CTNNA3: variants seen among roughly 807,000 people sequenced by gnomAD.
The protein encoded by CTNNA3 is catenin alpha-3.
In CTNNA3, 76 loss-of-function variants were observed where a neutral mutation model predicts 95.7. The observed-to-expected ratio is 0.79, with a 90% CI of 0.66 to 0.96. The LOEUF is 0.96. Ranked by LOEUF, CTNNA3 falls within the 40% of genes least tolerant of loss-of-function variation. The probability of loss-of-function intolerance (pLI) is 0.00; values close to 1 mark genes in which losing one functional copy is unlikely to be tolerated. For synonymous variants in CTNNA3, 431 were observed against 374.4 expected (o/e 1.15, Z -1.74); for missense variants, 1,191 against 1,089.8 (o/e 1.09, Z -1.31).
intron 7 of CTNNA3, among the ~76,000 whole-genome samples, chr10:66,861,256 T>G (rs558017711): frequency 1.6e-4 from 25 of 152,320 alleles, no homozygotes; most frequent in Admixed American, 1.6e-3. Context: ...TGGTCAACAT[T>G]GTTTTGTTAC....
chr10:66,864,933 A>G (rs937797061), intron 7 of CTNNA3, among the ~76,000 whole-genome samples: 16 of 152,146 alleles, frequency 1.1e-4, no homozygotes, highest in African/African-American at 3.9e-4. Flanking sequence ...AATTGTATAC[A>G]TTTAGATATT....
At chr10:67,642,612 G>A (rs957370598) in intron 2 of CTNNA3, among the ~76,000 whole-genome samples, 2 of 151,982 alleles carry the variant, frequency 1.3e-5, no homozygotes, top group East Asian at 3.9e-4. Flanking sequence ...CAGCTACCAG[G>A]AAGCTGATGC....
At chr10:67,031,722 C>T (rs967367620) in intron 7 of CTNNA3, among the ~76,000 whole-genome samples, 1 of 152,012 alleles carries the variant, frequency 6.6e-6, no homozygotes, top group African/African-American at 2.4e-5. Context: ...TTAGTTTCCG[C>T]TCAAAGATAA....
intron 9 of CTNNA3, among the ~76,000 whole-genome samples, chr10:66,763,150 G>A (rs1362034386): frequency 6.6e-6 from 1 of 151,938 alleles, no homozygotes; most frequent in Non-Finnish European, 1.5e-5. Context: ...GATATATTTA[G>A]GCTCTCCTAT....
chr10:67,028,161 T>C (rs1236250385), intron 7 of CTNNA3, among the ~76,000 whole-genome samples: 1 of 152,214 alleles, frequency 6.6e-6, no homozygotes, highest in African/African-American at 2.4e-5. Flanking sequence ...GACAACTTTA[T>C]ATGGAGCCCA....
At chr10:66,497,725 A>G (rs954191223) in intron 11 of CTNNA3, among the ~76,000 whole-genome samples, 2 of 152,092 alleles carry the variant, frequency 1.3e-5, no homozygotes, top group Non-Finnish European at 2.9e-5. Flanking sequence ...ATAGAAAATC[A>G]TGTTTTCTTC....
Position 67,573,167 on chromosome 10 carries a change from A to G in CTNNA3, c.293-33498T>C, listed in dbSNP as rs74407818. On this transcript the variant is annotated intron_variant, in intron 3 of 17. Coordinates refer to ENST00000433211, the MANE Select transcript of CTNNA3 (RefSeq NM_013266.4). ...CTTTTAGATCGATGTGATTATCATG[A>G]CATCATTACGAATTGGTGTATAGAC... Among the ~76,000 whole-genome samples, 1,145 of 152,294 alleles carry G rather than the reference A, an allele frequency of 7.5e-3. 28 individuals are homozygous for G. The highest frequency in any genetic ancestry group is 0.026 in the African/African-American group (1,091 of 41,554).
chr10:66,731,999 AAACT>A (rs1401519696), intron 9 of CTNNA3, among the ~76,000 whole-genome samples: 8 of 152,248 alleles, frequency 5.3e-5, no homozygotes, highest in African/African-American at 1.9e-4. Flanking sequence ...TCTTATGCTC[AAACT>A]AATAGTAACA....
At chr10:66,999,140 C>T (rs1399191210) in intron 7 of CTNNA3, among the ~76,000 whole-genome samples, 1 of 152,048 alleles carries the variant, frequency 6.6e-6, no homozygotes, top group African/African-American at 2.4e-5. Flanking sequence ...GATATTTGTA[C>T]TACTTTTATT....
chr10:66,548,391 CTACAT>C (rs1182838751), intron 10 of CTNNA3, among the ~76,000 whole-genome samples: 9 of 152,064 alleles, frequency 5.9e-5, no homozygotes, highest in Non-Finnish European at 1.5e-5. Context: ...TGTATTTTCT[CTACAT>C]TAAATTATTT....
At chr10:66,611,306 G>A (rs1844320784) in intron 10 of CTNNA3, among the ~76,000 whole-genome samples, 1 of 151,914 alleles carries the variant, frequency 6.6e-6, no homozygotes, top group African/African-American at 2.4e-5. Context: ...ACACAAAAAA[G>A]GATAAATATT....
chr10:66,760,534 C>T (rs897441758), intron 9 of CTNNA3, among the ~76,000 whole-genome samples: 2 of 152,054 alleles, frequency 1.3e-5, no homozygotes, highest in African/African-American at 4.8e-5. Flanking sequence ...TGCCAAATTC[C>T]CAAACTACTA....
At chr10:67,085,704 T>C (rs1857270465) in intron 7 of CTNNA3, among the ~76,000 whole-genome samples, 1 of 152,022 alleles carries the variant, frequency 6.6e-6, no homozygotes, top group African/African-American at 2.4e-5. Context: ...ATTACAAATG[T>C]AAATACATAG....
chr10:66,696,175 T>C (rs932659622), intron 9 of CTNNA3, among the ~76,000 whole-genome samples: 3 of 152,212 alleles, frequency 2.0e-5, no homozygotes, highest in African/African-American at 7.2e-5. Context: ...CCAATAGTTA[T>C]ATGAATTTAA....
At chr10:67,597,389 G>C (rs750602039) in intron 3 of CTNNA3, among the ~76,000 whole-genome samples, 1 of 152,218 alleles carries the variant, frequency 6.6e-6, no homozygotes, top group Non-Finnish European at 1.5e-5. Context: ...TGTGTGGGTT[G>C]ATGTTCCCTT....
At chr10:67,550,076 C>CT (rs1441142835) in intron 3 of CTNNA3, among the ~76,000 whole-genome samples, 1 of 152,054 alleles carries the variant, frequency 6.6e-6, no homozygotes, top group Non-Finnish European at 1.5e-5. Context: ...CCTAAAAATT[C>CT]TTTTTCAAAA....
chr10:66,750,195 G>A (rs1327401064), intron 9 of CTNNA3, among the ~76,000 whole-genome samples: 3 of 151,966 alleles, frequency 2.0e-5, no homozygotes, highest in African/African-American at 7.2e-5. Context: ...ATTATCTTTT[G>A]CAGAACAGAT....
intron 13 of CTNNA3, among the ~76,000 whole-genome samples, chr10:66,190,116 A>G (rs59024515): frequency 0.047 from 7,214 of 152,282 alleles, 217 homozygotes; most frequent in African/African-American, 0.066. Flanking sequence ...GACACACAGT[A>G]ACACATTGTA....
chr10:67,736,519 G>A (rs1484743440), intron 1 of CTNNA3, among the ~76,000 whole-genome samples: 2 of 141,108 alleles, frequency 1.4e-5, no homozygotes, highest in Non-Finnish European at 3.0e-5. Context: ...GCAGTGGCAC[G>A]TTCTCGGCTG....
Sources: gnomAD v4.1 joint callset for allele counts (sites outside exome capture counted in the v4.1 genomes callset) on GRCh38, gnomAD v4.1.1 for gene constraint, MANE v1.5 for transcripts, NCBI Gene and HGNC (gene_info 2026-07-23, HGNC 2026-07-21) for gene names.